NALCN: variants seen among roughly 807,000 people sequenced by gnomAD.
The protein encoded by NALCN is sodium leak channel NALCN.
Under a neutral mutation model 225.3 loss-of-function variants are expected in NALCN, and 111 were observed. The observed-to-expected ratio is 0.49, with a 90% confidence interval of 0.42 to 0.58. The LOEUF (loss-of-function observed/expected upper bound fraction) is 0.58, where lower values mean the gene tolerates loss of function less well. Ranked by LOEUF, NALCN falls within the 20% of genes least tolerant of loss-of-function variation. The probability of loss-of-function intolerance (pLI) is 0.00; values close to 1 mark genes in which losing one functional copy is unlikely to be tolerated. For missense variants in NALCN, 1,378 were observed against 2,202.4 expected, an observed-to-expected ratio of 0.63 and a Z score of 7.49; for synonymous variants, 764 against 769.0, an observed-to-expected ratio of 0.99 and a Z score of 0.11.
At chr13:101,306,114 AGATT>A (rs1236290587) in intron 7 of NALCN, among the ~76,000 whole-genome samples, 1 of 152,092 alleles carries the variant, frequency 6.6e-6, no homozygotes, top group Non-Finnish European at 1.5e-5. Flanking sequence ...GGGACTATCC[AGATT>A]AATTTCCATG....
At chr13:101,352,368 A>G (rs2045930759) in intron 6 of NALCN, among the ~76,000 whole-genome samples, 1 of 152,160 alleles carries the variant, frequency 6.6e-6, no homozygotes, top group South Asian at 2.1e-4. Context: ...TAAAGGATGC[A>G]CACGTACTAG....
intron 13 of NALCN, among the ~76,000 whole-genome samples, chr13:101,224,720 G>A (rs1023252691): frequency 6.6e-6 from 1 of 151,910 alleles, no homozygotes; most frequent in Non-Finnish European, 1.5e-5. Flanking sequence ...TCACTTCCAG[G>A]GCCAATCGGG....
At chr13:101,219,443 A>G (rs1739078803) in intron 13 of NALCN, among the ~76,000 whole-genome samples, 1 of 152,152 alleles carries the variant, frequency 6.6e-6, no homozygotes, top group African/African-American at 2.4e-5. Flanking sequence ...ATTGTTGCTC[A>G]TTCTCCATTC....
At chr13:101,253,881 C>A (rs1415290839) in intron 11 of NALCN, among the ~76,000 whole-genome samples, 2 of 152,062 alleles carry the variant, frequency 1.3e-5, no homozygotes, top group Admixed American at 1.3e-4. Context: ...GTTTGCCAAA[C>A]CCTGGCCTAA....
At chr13:101,232,571 G>A (rs973558908) in intron 12 of NALCN, among the ~76,000 whole-genome samples, 22 of 150,696 alleles carry the variant, frequency 1.5e-4, no homozygotes, top group Non-Finnish European at 3.0e-4. Context: ...TCAGCCTCCC[G>A]AGTAGCTGGG....
At chr13:101,324,288 A>G (rs2044862371) in intron 7 of NALCN, among the ~76,000 whole-genome samples, 1 of 152,230 alleles carries the variant, frequency 6.6e-6, no homozygotes, top group Admixed American at 6.5e-5. Flanking sequence ...AAAGCAAAAA[A>G]TATAATGTCA....
chr13:101,410,453 T>C (rs1174920938), intron 1 of NALCN, among the ~76,000 whole-genome samples: 1 of 152,186 alleles, frequency 6.6e-6, no homozygotes, highest in African/African-American at 2.4e-5. Flanking sequence ...TGATTTATAA[T>C]TGTATGTATA....
At chr13:101,133,432 C>T (rs2036611052) in intron 17 of NALCN, among the ~76,000 whole-genome samples, 1 of 152,070 alleles carries the variant, frequency 6.6e-6, no homozygotes, top group African/African-American at 2.4e-5. Context: ...AACCACGGTC[C>T]AATGAATATG....
intron 34 of NALCN, 37 bp from the exon 35 acceptor site, chr13:101,075,978 C>G (rs1425315982): frequency 6.4e-7 from 1 of 1,570,378 alleles, no homozygotes; most frequent in African/African-American, 1.4e-5. Context: ...TCATAATTTG[C>G]ACAAAAGATC....
At chr13:101,172,319 A>T (rs562468550) in intron 15 of NALCN, among the ~76,000 whole-genome samples, 162 of 152,046 alleles carry the variant, frequency 1.1e-3, no homozygotes, top group Non-Finnish European at 1.7e-3. Flanking sequence ...CTAACTCTGG[A>T]TTTGGCCACA....
intron 20 of NALCN, among the ~76,000 whole-genome samples, chr13:101,108,612 G>T (rs570596998): frequency 1.3e-5 from 2 of 152,152 alleles, no homozygotes; most frequent in African/African-American, 4.8e-5. Flanking sequence ...TAGGACTACA[G>T]AAATGTGTTC....
chr13:101,064,103 C>T (rs550701334), intron 40 of NALCN, among the ~76,000 whole-genome samples: 1 of 152,242 alleles, frequency 6.6e-6, no homozygotes, highest in Non-Finnish European at 1.5e-5. Context: ...TACCATAACT[C>T]AGAAGCACTG....
chr13:101,182,951 T>C (rs1294665443), intron 14 of NALCN, among the ~76,000 whole-genome samples: 1 of 152,220 alleles, frequency 6.6e-6, no homozygotes, highest in Non-Finnish European at 1.5e-5. Context: ...TTATCAATGA[T>C]ACAGTATTTT....
At chr13:101,171,237 A>G (rs1022304648) in intron 15 of NALCN, among the ~76,000 whole-genome samples, 2 of 145,966 alleles carry the variant, frequency 1.4e-5, no homozygotes, top group African/African-American at 4.9e-5. Context: ...ACTGTTACAT[A>G]TATTACACAC....
intron 15 of NALCN, among the ~76,000 whole-genome samples, chr13:101,157,937 G>A (rs11616522): frequency 6.6e-6 from 1 of 152,030 alleles, no homozygotes; most frequent in Non-Finnish European, 1.5e-5. Flanking sequence ...ATTTTTAGTA[G>A]AGACAGGGTT....
At chr13:101,156,308 C>T (rs879619537) in intron 15 of NALCN, among the ~76,000 whole-genome samples, 9 of 152,106 alleles carry the variant, frequency 5.9e-5, no homozygotes, top group African/African-American at 1.7e-4. Context: ...TTCAGAGTGC[C>T]GACTTGTTTT....
chr13:101,126,356 A>G (rs1278059110), intron 17 of NALCN, among the ~76,000 whole-genome samples: 1 of 152,200 alleles, frequency 6.6e-6, no homozygotes, highest in Non-Finnish European at 1.5e-5. Flanking sequence ...GAGAAAAATT[A>G]ATGTATGGAC....
chr13:101,289,824 T>C (rs2043484464), intron 9 of NALCN, among the ~76,000 whole-genome samples: 1 of 152,162 alleles, frequency 6.6e-6, no homozygotes, highest in South Asian at 2.1e-4. Context: ...TCACGGAATT[T>C]GGTCATATTT....
At chr13:101,301,167 T>C (rs566101911) in intron 7 of NALCN, among the ~76,000 whole-genome samples, 5 of 152,238 alleles carry the variant, frequency 3.3e-5, no homozygotes, top group African/African-American at 1.2e-4. Context: ...GGAAAAGAAG[T>C]GTTGACAAGC....
Sources: allele counts gnomAD v4.1 joint callset (sites outside exome capture counted in the v4.1 genomes callset), GRCh38; gene constraint gnomAD v4.1.1; transcripts MANE v1.5; gene names NCBI Gene and HGNC (gene_info 2026-07-23, HGNC 2026-07-21).